The following KSR2 variants were observed in gnomAD, a reference collection of about 807,000 sequenced individuals.
KSR2 encodes the protein kinase suppressor of ras 2.
A neutral mutation model predicts 107.8 loss-of-function variants in KSR2; 25 were observed. That is an observed-to-expected ratio of 0.23 (90% CI 0.17 to 0.32). The LOEUF (loss-of-function observed/expected upper bound fraction) is 0.32, where lower values mean the gene tolerates loss of function less well. Ranked by LOEUF, KSR2 falls within the 10% of genes least tolerant of loss-of-function variation. KSR2 has a pLI of 1.00. For missense variants in KSR2, 887 were observed against 1,268.9 expected (o/e 0.70, Z 4.57); for synonymous variants, 480 against 507.0 (o/e 0.95, Z 0.71).
chr12:117,834,845 C>T (rs950220713), intron 3 of KSR2, among the ~76,000 whole-genome samples: 2 of 152,080 alleles, frequency 1.3e-5, no homozygotes, highest in Non-Finnish European at 2.9e-5. Flanking sequence ...GAAACAAATG[C>T]AAAGGTGGGA....
intron 4 of KSR2, among the ~76,000 whole-genome samples, chr12:117,690,588 G>A (rs191984580): frequency 6.8e-4 from 104 of 151,988 alleles, no homozygotes; most frequent in Middle Eastern, 3.4e-3. Context: ...AAAGAATGGC[G>A]AAAAAAATAA....
intron 4 of KSR2, among the ~76,000 whole-genome samples, chr12:117,745,398 A>G (rs746892081): frequency 6.6e-6 from 1 of 152,232 alleles, no homozygotes; most frequent in Non-Finnish European, 1.5e-5. Flanking sequence ...CAAGAGAGTG[A>G]AGAAATGACT....
intron 3 of KSR2, among the ~76,000 whole-genome samples, chr12:117,776,346 G>A (rs144681525): frequency 2.3e-4 from 35 of 152,232 alleles, no homozygotes; most frequent in African/African-American, 8.2e-4. Context: ...TAAAATCACA[G>A]TTAAAATCTA....
chr12:117,511,896 G>A (rs1874045565), intron 14 of KSR2, among the ~76,000 whole-genome samples: 1 of 152,226 alleles, frequency 6.6e-6, no homozygotes, highest in East Asian at 1.9e-4. Flanking sequence ...TGCCATTCTG[G>A]TGAATTTTAG....
intron 9 of KSR2, among the ~76,000 whole-genome samples, chr12:117,544,028 C>A (rs79682370): frequency 2.5e-4 from 38 of 152,272 alleles, no homozygotes; most frequent in South Asian, 1.4e-3. Flanking sequence ...TTCCAGTATA[C>A]CCTCATCTAA....
intron 1 of KSR2, among the ~76,000 whole-genome samples, chr12:117,939,769 C>T (rs1258863637): frequency 6.7e-6 from 1 of 150,242 alleles, no homozygotes; most frequent in Non-Finnish European, 1.5e-5. Context: ...GTGAAACCCC[C>T]GTCTCTACTA....
intron 10 of KSR2, among the ~76,000 whole-genome samples, chr12:117,536,973 G>A (rs780107267): frequency 3.9e-5 from 6 of 152,228 alleles, no homozygotes; most frequent in Non-Finnish European, 8.8e-5. Context: ...AGCACTTTGG[G>A]AGGCCAAAGT....
intron 14 of KSR2, among the ~76,000 whole-genome samples, chr12:117,513,864 G>T (rs1467043378): frequency 3.9e-5 from 6 of 152,182 alleles, no homozygotes; most frequent in Non-Finnish European, 8.8e-5. Context: ...TGAATTACTG[G>T]TTTTTCTGTT....
chr12:117,856,316 C>G (rs1893101415), intron 2 of KSR2, among the ~76,000 whole-genome samples: 1 of 152,294 alleles, frequency 6.6e-6, no homozygotes, highest in Non-Finnish European at 1.5e-5. Context: ...CAGTGTCTCC[C>G]TAGACCATCA....
intron 1 of KSR2, among the ~76,000 whole-genome samples, chr12:117,937,649 C>T (rs539455389): frequency 6.6e-6 from 1 of 151,878 alleles, no homozygotes; most frequent in East Asian, 1.9e-4. Flanking sequence ...AATATGTGGT[C>T]CTATCCCTTT....
intron 4 of KSR2, among the ~76,000 whole-genome samples, chr12:117,726,953 T>A (rs1887452431): frequency 6.6e-6 from 1 of 152,120 alleles, no homozygotes; most frequent in South Asian, 2.1e-4. Context: ...CCCCAAAAAA[T>A]GTACGTTGAA....
intron 1 of KSR2, among the ~76,000 whole-genome samples, chr12:117,906,305 A>G (rs1327664042): frequency 6.8e-6 from 1 of 146,296 alleles, no homozygotes; most frequent in African/African-American, 2.6e-5. Context: ...GTGAGCCGAG[A>G]TCGGGCCATT....
At chr12:117,495,499 T>C (rs537180244) in intron 14 of KSR2, among the ~76,000 whole-genome samples, 9 of 152,240 alleles carry the variant, frequency 5.9e-5, no homozygotes, top group African/African-American at 2.2e-4. Flanking sequence ...AGAGTTCCAT[T>C]AAGTAAGGGG....
At chr12:117,540,057 G>A in intron 9 of KSR2, among the ~76,000 whole-genome samples, 170 bp from the exon 10 acceptor site, 1 of 152,012 alleles carries the variant, frequency 6.6e-6, no homozygotes, top group South Asian at 2.1e-4. Flanking sequence ...AGCCCCATTG[G>A]GCTGCATCCA....
intron 5 of KSR2, among the ~76,000 whole-genome samples, chr12:117,643,788 T>A (rs1883488994): frequency 6.6e-6 from 1 of 152,164 alleles, no homozygotes; most frequent in Non-Finnish European, 1.5e-5. Flanking sequence ...GAGATTCAAA[T>A]GCAGTGGATC....
At chr12:117,912,239 G>C (rs1895037145) in intron 1 of KSR2, among the ~76,000 whole-genome samples, 1 of 152,162 alleles carries the variant, frequency 6.6e-6, no homozygotes, top group African/African-American at 2.4e-5. Flanking sequence ...GCAATGATTG[G>C]TAACAGCCAA....
intron 4 of KSR2, among the ~76,000 whole-genome samples, chr12:117,691,883 G>C (rs1318343885): frequency 1.3e-5 from 2 of 152,210 alleles, no homozygotes; most frequent in Non-Finnish European, 2.9e-5. Flanking sequence ...AATCTTCAGA[G>C]ACTATATAGG....
At chr12:117,544,240 C>T (rs920837710) in intron 9 of KSR2, among the ~76,000 whole-genome samples, 1 of 152,124 alleles carries the variant, frequency 6.6e-6, no homozygotes, top group Non-Finnish European at 1.5e-5. Context: ...CAGATATACA[C>T]CAAAGTATTT....
intron 3 of KSR2, among the ~76,000 whole-genome samples, chr12:117,765,080 G>T (rs1889178151): frequency 6.6e-6 from 1 of 152,208 alleles, no homozygotes; most frequent in Non-Finnish European, 1.5e-5. Context: ...TGTACAGTGA[G>T]GAAGTGACAT....
Sources: allele counts gnomAD v4.1 joint callset (sites outside exome capture counted in the v4.1 genomes callset), GRCh38; gene constraint gnomAD v4.1.1; transcripts MANE v1.5; gene names NCBI Gene and HGNC (gene_info 2026-07-23, HGNC 2026-07-21).